RANBP2: variants seen among roughly 807,000 people sequenced by gnomAD.
RANBP2 encodes E3 SUMO-protein ligase RanBP2.
RANBP2 carries 57 observed loss-of-function variants against 303.6 expected under a neutral mutation model. That is an observed-to-expected ratio of 0.19 (90% confidence interval 0.15 to 0.23). The LOEUF is 0.23. RANBP2 is among the 10% of genes least tolerant of loss of function. The pLI, the probability that RANBP2 is intolerant of heterozygous loss-of-function variation, is 1.00. For missense variants in RANBP2, 3,138 were observed against 3,780.8 expected, an observed-to-expected ratio of 0.83 and a Z score of 4.46; for synonymous variants, 1,167 against 1,301.5, an observed-to-expected ratio of 0.90 and a Z score of 2.23.
chr2:109,114,339 C>T, the RANBP2 span, among the ~76,000 whole-genome samples: 314 of 152,278 alleles, frequency 2.1e-3, 2 homozygotes, highest in African/African-American at 7.2e-3. Flanking sequence ...AGAGATTTAA[C>T]TTCTTTCTGG....
the RANBP2 span, among the ~76,000 whole-genome samples, chr2:108,870,218 G>T: frequency 6.6e-6 from 1 of 152,148 alleles, no homozygotes; most frequent in East Asian, 1.9e-4. Context: ...TAGCTGAATT[G>T]AAAAATTTAC....
At chr2:109,049,274 C>T in the RANBP2 span, among the ~76,000 whole-genome samples, 1 of 152,208 alleles carries the variant, frequency 6.6e-6, no homozygotes, top group Non-Finnish European at 1.5e-5. Context: ...AAGAGAAGGC[C>T]AAGGGAGATG....
the RANBP2 span, chr2:108,910,723 C>T: frequency 9.4e-6 from 15 of 1,596,544 alleles, no homozygotes; most frequent in East Asian, 3.3e-4. Flanking sequence ...GAACGCCCTC[C>T]ACCCAGAGAT....
the RANBP2 span, among the ~76,000 whole-genome samples, chr2:109,390,902 A>G: frequency 6.8e-4 from 104 of 152,296 alleles, 2 homozygotes; most frequent in East Asian, 0.02. Flanking sequence ...TCCCGGCATG[A>G]ATGCTGCTGT....
chr2:108,968,255 CT>C, the RANBP2 span, among the ~76,000 whole-genome samples: 1 of 152,294 alleles, frequency 6.6e-6, no homozygotes, highest in Non-Finnish European at 1.5e-5. Flanking sequence ...CTGGAGCCCC[CT>C]AGATCTACTA....
the RANBP2 span, among the ~76,000 whole-genome samples, chr2:109,043,392 G>A: frequency 1.3e-5 from 2 of 152,024 alleles, no homozygotes; most frequent in Non-Finnish European, 2.9e-5. Context: ...CCCCAGGCTG[G>A]AGTGCAGTGG....
the RANBP2 span, among the ~76,000 whole-genome samples, chr2:109,142,043 T>TGGG: frequency 2.1e-5 from 3 of 145,804 alleles, no homozygotes; most frequent in South Asian, 2.3e-4. Context: ...TTGAGTCTCC[T>TGGG]GGGGGGGGGG....
At chr2:108,861,576 G>T in the RANBP2 span, among the ~76,000 whole-genome samples, 1 of 150,640 alleles carries the variant, frequency 6.6e-6, no homozygotes, top group African/African-American at 2.5e-5. Flanking sequence ...CGCCTCCTGG[G>T]TTCAAGCGAT....
the RANBP2 span, among the ~76,000 whole-genome samples, chr2:108,900,846 A>G: frequency 6.6e-6 from 1 of 152,226 alleles, no homozygotes. Context: ...CCAAGAAGAC[A>G]TAGCAATCCT....
At chr2:109,278,387 G>A in the RANBP2 span, among the ~76,000 whole-genome samples, 1 of 152,172 alleles carries the variant, frequency 6.6e-6, no homozygotes, top group East Asian at 1.9e-4. Flanking sequence ...CAGTGGTGAT[G>A]ACACTTCTGA....
chr2:109,128,708 A>C, the RANBP2 span: 1 of 167,970 alleles, frequency 6.0e-6, no homozygotes, highest in Non-Finnish European at 1.3e-5. Flanking sequence ...GGCGCTGGCG[A>C]GGAAGGCAGT....
the RANBP2 span, among the ~76,000 whole-genome samples, chr2:109,011,030 G>A: frequency 2.6e-5 from 4 of 152,162 alleles, no homozygotes; most frequent in Non-Finnish European, 5.9e-5. Context: ...TTTGGCCAAG[G>A]CTAGTCTGGA....
chr2:108,967,959 G>C, the RANBP2 span, among the ~76,000 whole-genome samples: 1 of 152,198 alleles, frequency 6.6e-6, no homozygotes, highest in Non-Finnish European at 1.5e-5. Flanking sequence ...CCCAGCCACA[G>C]GGGTAGAAAA....
At chr2:109,106,761 C>CG in the RANBP2 span, among the ~76,000 whole-genome samples, 3 of 151,752 alleles carry the variant, frequency 2.0e-5, no homozygotes, top group Admixed American at 6.6e-5. Context: ...GGTGTGAATC[C>CG]GGGAGGCAGA....
chr2:108,911,598 C>T, the RANBP2 span, among the ~76,000 whole-genome samples: 1,073 of 152,294 alleles, frequency 7.0e-3, 12 homozygotes, highest in African/African-American at 0.024. Flanking sequence ...CCTGCACTGC[C>T]GCCTCCACCA....
chr2:109,147,897 TTA>T, the RANBP2 span, among the ~76,000 whole-genome samples: 1 of 152,218 alleles, frequency 6.6e-6, no homozygotes, highest in East Asian at 1.9e-4. Context: ...AACTCTGCGT[TTA>T]TAGTTATTGA....
At chr2:108,926,305 C>G in the RANBP2 span, among the ~76,000 whole-genome samples, 9,325 of 152,258 alleles carry the variant, frequency 0.061, 389 homozygotes, top group Non-Finnish European at 0.076. Context: ...CCCTAGCCCC[C>G]CAACCCCTGT....
the RANBP2 span, among the ~76,000 whole-genome samples, chr2:109,011,082 T>C: frequency 6.6e-6 from 1 of 152,252 alleles, no homozygotes; most frequent in Non-Finnish European, 1.5e-5. Flanking sequence ...TCATACTCTG[T>C]ACCCAGTGCA....
the RANBP2 span, among the ~76,000 whole-genome samples, chr2:109,356,511 G>A: frequency 2.6e-5 from 4 of 152,202 alleles, no homozygotes; most frequent in Non-Finnish European, 4.4e-5. Flanking sequence ...GTTTTCATGT[G>A]CTTTCTCAAT....
Sources: allele counts gnomAD v4.1 joint callset (sites outside exome capture counted in the v4.1 genomes callset), GRCh38; gene constraint gnomAD v4.1.1; transcripts MANE v1.5; gene names NCBI Gene and HGNC (gene_info 2026-07-23, HGNC 2026-07-21).